Variants in PPM1H observed in about 807,000 individuals in gnomAD.
PPM1H encodes the protein protein phosphatase 1H.
A neutral mutation model predicts 54.9 loss-of-function variants in PPM1H; 27 were observed. The ratio of observed to expected loss-of-function variants is 0.49; its 90% CI spans 0.36 to 0.68. The LOEUF is 0.68. Among genes scored for constraint, PPM1H ranks in the 30% least tolerant of loss-of-function variants. The probability of loss-of-function intolerance (pLI) is 0.00; values close to 1 mark genes in which losing one functional copy is unlikely to be tolerated. For synonymous variants in PPM1H, 305 were observed against 270.8 expected (o/e 1.13, Z -1.24); for missense variants, 596 against 667.8 (o/e 0.89, Z 1.19).
chr12:62,863,268 A>G (rs1181897756), intron 1 of PPM1H, among the ~76,000 whole-genome samples: 1 of 152,050 alleles, frequency 6.6e-6, no homozygotes. Context: ...GGCTCAAGCA[A>G]TCCCCCTGCT....
intron 2 of PPM1H, among the ~76,000 whole-genome samples, chr12:62,802,784 A>G (rs1333150040): frequency 6.6e-6 from 1 of 151,906 alleles, no homozygotes. Context: ...GGGTTTCACC[A>G]TGTTGCCCAG....
chr12:62,818,914 G>A (rs1336521030), intron 2 of PPM1H, among the ~76,000 whole-genome samples: 27 of 145,974 alleles, frequency 1.8e-4, no homozygotes, highest in African/African-American at 6.7e-4. Flanking sequence ...TCCACCTCCT[G>A]GGTTCAAGCA....
chr12:62,838,771 A>C (rs1868599164), intron 1 of PPM1H, among the ~76,000 whole-genome samples: 2 of 133,552 alleles, frequency 1.5e-5, no homozygotes, highest in African/African-American at 6.3e-5. Flanking sequence ...AATACAAAAA[A>C]TTAGCCGGGC....
intron 6 of PPM1H, among the ~76,000 whole-genome samples, chr12:62,709,212 A>G (rs1210808086): frequency 6.6e-6 from 1 of 152,162 alleles, no homozygotes; most frequent in Non-Finnish European, 1.5e-5. Context: ...GGGCTAAAAC[A>G]TTGAAACGTT....
At chr12:62,755,842 C>A in intron 4 of PPM1H, 1 of 794,992 alleles carries the variant, frequency 1.3e-6, no homozygotes, top group Non-Finnish European at 2.2e-6. Flanking sequence ...CTCTCCAGAA[C>A]ATCATCCCTG....
intron 1 of PPM1H, among the ~76,000 whole-genome samples, chr12:62,862,814 G>A (rs902499180): frequency 9.2e-5 from 14 of 152,164 alleles, no homozygotes; most frequent in Admixed American, 7.9e-4. Flanking sequence ...CAGAGATATA[G>A]TAAAACACCA....
At chr12:62,708,095 C>T (rs1384390693) in intron 6 of PPM1H, among the ~76,000 whole-genome samples, 1 of 152,230 alleles carries the variant, frequency 6.6e-6, no homozygotes, top group Non-Finnish European at 1.5e-5. Flanking sequence ...AGGCAACTGA[C>T]AACACACTAG....
intron 8 of PPM1H, among the ~76,000 whole-genome samples, chr12:62,685,494 T>C (rs1028596229): frequency 3.9e-5 from 6 of 152,226 alleles, no homozygotes; most frequent in Non-Finnish European, 8.8e-5. Flanking sequence ...ACTTATTAAC[T>C]GTATAACTTT....
intron 6 of PPM1H, among the ~76,000 whole-genome samples, chr12:62,706,088 T>C (rs769011937): frequency 1.3e-5 from 2 of 152,336 alleles, no homozygotes. Flanking sequence ...CTATGCTACA[T>C]CATTTCAAGG....
At chr12:62,916,129 C>A (rs1474665579) in intron 1 of PPM1H, among the ~76,000 whole-genome samples, 1 of 152,068 alleles carries the variant, frequency 6.6e-6, no homozygotes, top group Non-Finnish European at 1.5e-5. Flanking sequence ...ACTTGTGAGC[C>A]CCTTGAAAAT....
At chr12:62,676,514 A>G (rs2075987262) in intron 8 of PPM1H, among the ~76,000 whole-genome samples, 1 of 152,068 alleles carries the variant, frequency 6.6e-6, no homozygotes. Flanking sequence ...GGTGTCTTGG[A>G]AGTCCCCCTG....
rs116296407 is a variant in PPM1H, at chr12:62,902,451, T to C, written c.245+32041A>G. Among the ~76,000 whole-genome samples the C allele has an allele frequency of 7.6e-3, 1,158 of 152,308 alleles. 15 individuals carry two copies. Among genetic ancestry groups the C allele is most frequent in the African/African-American group, 0.026 (1,097 of 41,566 alleles). On this transcript the variant is annotated intron_variant, in intron 1 of 9. Coordinates refer to ENST00000228705, the MANE Select transcript of PPM1H (RefSeq NM_020700.2). ...TTTAAAACAGTTTACAAAGTTGAGATACTTTAGCACTGTTTGTGACTGCCC... is the reference window on the plus strand; with the variant it reads ...TTTAAAACAGTTTACAAAGTTGAGACACTTTAGCACTGTTTGTGACTGCCC...
chr12:62,701,688 T>G (rs556976896), intron 6 of PPM1H, among the ~76,000 whole-genome samples: 1 of 151,622 alleles, frequency 6.6e-6, no homozygotes, highest in Non-Finnish European at 1.5e-5. Flanking sequence ...TTGTTTTTTT[T>G]TTTTGACACA....
At chr12:62,763,106 GA>G (rs1245547169) in intron 4 of PPM1H, among the ~76,000 whole-genome samples, 1 of 152,214 alleles carries the variant, frequency 6.6e-6, no homozygotes, top group Non-Finnish European at 1.5e-5. Flanking sequence ...CCGAGAAGCA[GA>G]TTTACCTGGC....
chr12:62,835,826 C>T (rs1166794963), intron 1 of PPM1H, among the ~76,000 whole-genome samples: 2 of 152,190 alleles, frequency 1.3e-5, no homozygotes, highest in Non-Finnish European at 2.9e-5. Flanking sequence ...TCTTCTCAAT[C>T]TCATTTGGCT....
intron 4 of PPM1H, among the ~76,000 whole-genome samples, chr12:62,753,755 C>T (rs2076454792): frequency 6.6e-6 from 1 of 152,026 alleles, no homozygotes; most frequent in Non-Finnish European, 1.5e-5. Context: ...CAGGTTCTCT[C>T]CCCCTCTCTC....
intron 5 of PPM1H, among the ~76,000 whole-genome samples, chr12:62,725,818 T>C (rs540012729): frequency 6.6e-5 from 10 of 152,238 alleles, no homozygotes; most frequent in African/African-American, 2.4e-4. Context: ...AAATCAAATA[T>C]AAAATTCAGA....
intron 1 of PPM1H, among the ~76,000 whole-genome samples, chr12:62,933,087 T>C (rs1872200234): frequency 6.6e-6 from 1 of 152,142 alleles, no homozygotes; most frequent in Admixed American, 6.6e-5. Flanking sequence ...TTTTGTACCT[T>C]CGCCACCCAC....
At chr12:62,715,837 T>C (rs777938800) in intron 6 of PPM1H, among the ~76,000 whole-genome samples, 2 of 152,174 alleles carry the variant, frequency 1.3e-5, no homozygotes, top group Non-Finnish European at 2.9e-5. Context: ...AGCAATGGTC[T>C]ACAGGGTCAG....
Sources: allele counts gnomAD v4.1 joint callset (sites outside exome capture counted in the v4.1 genomes callset), GRCh38; gene constraint gnomAD v4.1.1; transcripts MANE v1.5; gene names NCBI Gene and HGNC (gene_info 2026-07-23, HGNC 2026-07-21).